TRIM2: variants seen among roughly 807,000 people sequenced by gnomAD.
TRIM2 encodes tripartite motif-containing protein 2.
A neutral mutation model predicts 75.2 loss-of-function variants in TRIM2; 20 were observed. The observed-to-expected ratio is 0.27, with a 90% confidence interval of 0.19 to 0.39. TRIM2 has a LOEUF of 0.39. TRIM2 is among the 10% of genes least tolerant of loss of function. TRIM2 has a pLI of 1.00. For missense variants in TRIM2, 660 were observed against 990.8 expected (o/e 0.67, Z 4.48); for synonymous variants, 373 against 388.3 (o/e 0.96, Z 0.46).
At chr4:153,172,260 T>C (rs1730958469) in intron 1 of TRIM2, among the ~76,000 whole-genome samples, 1 of 152,160 alleles carries the variant, frequency 6.6e-6, no homozygotes, top group Admixed American at 6.5e-5. Flanking sequence ...CTATCTTGGC[T>C]CACTGCAAGC....
At chr4:153,277,479 G>A (rs544838325) in intron 3 of TRIM2, among the ~76,000 whole-genome samples, 1 of 152,260 alleles carries the variant, frequency 6.6e-6, no homozygotes, top group South Asian at 2.1e-4. Flanking sequence ...CTCTGGGAGG[G>A]CAAGGACCTG....
At chr4:153,290,305 T>C (rs1235655992) in intron 3 of TRIM2, among the ~76,000 whole-genome samples, 1 of 152,214 alleles carries the variant, frequency 6.6e-6, no homozygotes, top group Non-Finnish European at 1.5e-5. Context: ...GCTTATATAT[T>C]GTTACCAAGC....
At chr4:153,326,301 GGTAGAA>G (rs1485658769) in intron 10 of TRIM2, among the ~76,000 whole-genome samples, 6 of 152,154 alleles carry the variant, frequency 3.9e-5, no homozygotes, top group Non-Finnish European at 8.8e-5. Context: ...TTTTCAGCAT[GGTAGAA>G]GTAGATTATT....
rs375371424 is a variant in TRIM2 at position 153,274,158 on chromosome 4, G to A, written c.216-1735G>A. Among the ~76,000 whole-genome samples the A allele has an allele frequency of 2.6e-4, 39 of 152,320 alleles. No homozygotes were observed. The East Asian group carries it at 4.2e-3, about 17-fold the overall frequency. On this transcript the variant is annotated intron_variant, in intron 2 of 11. Coordinates refer to ENST00000338700, the MANE Select transcript of TRIM2 (RefSeq NM_015271.5). ...CCATGGCATGGCTTTCATCTCAGAT[G>A]GTGTGGGAGGGAGATTTAAATGGCT... is the stretch of plus-strand genomic sequence containing the variant.
At chr4:153,261,102 G>T (rs1383847456) in intron 1 of TRIM2, among the ~76,000 whole-genome samples, 1 of 152,162 alleles carries the variant, frequency 6.6e-6, no homozygotes, top group African/African-American at 2.4e-5. Flanking sequence ...GAAAGCAGAT[G>T]TTTGCATGTC....
intron 2 of TRIM2, among the ~76,000 whole-genome samples, chr4:153,275,675 G>T (rs1266819757): frequency 6.6e-6 from 1 of 152,218 alleles, no homozygotes; most frequent in Non-Finnish European, 1.5e-5. Context: ...CACTACAAAA[G>T]TCAATGACAT....
At chr4:153,246,941 C>T (rs180941012) in intron 1 of TRIM2, among the ~76,000 whole-genome samples, 56 of 152,272 alleles carry the variant, frequency 3.7e-4, no homozygotes, top group Admixed American at 2.9e-3. Flanking sequence ...CCTTGAGAGG[C>T]GCATCAATGT....
intron 1 of TRIM2, among the ~76,000 whole-genome samples, chr4:153,154,713 C>G (rs973382424): frequency 6.6e-6 from 1 of 152,142 alleles, no homozygotes; most frequent in African/African-American, 2.4e-5. Flanking sequence ...ATACACTAAC[C>G]AATTGCTTGT....
upstream of TRIM2, among the ~76,000 whole-genome samples, chr4:153,201,933 A>G (rs1734417098): frequency 6.6e-6 from 1 of 152,236 alleles, no homozygotes; most frequent in Admixed American, 6.5e-5. Flanking sequence ...AGATTATTTC[A>G]GGAAGGTAAC....
rs543805049 is a variant in TRIM2 at position 153,193,864 on chromosome 4, G to A, written c.-49+40594G>A. ...AGGAGGCAGTGAATCAAATCCAAGT[G>A]TGGGAGAGACGAACTGGGAGACTCA... On this transcript the variant is annotated intron_variant, in intron 1 of 11. Coordinates refer to the TRIM2 transcript ENST00000437508. Among the ~76,000 whole-genome samples the A allele has an allele frequency of 5.5e-4, 84 of 152,310 alleles. No individual in the cohort carries two copies. The South Asian group carries it at 0.016, about 29-fold the overall frequency.
intron 1 of TRIM2, among the ~76,000 whole-genome samples, chr4:153,221,856 AAG>A (rs774815812): frequency 5.9e-5 from 7 of 118,344 alleles, no homozygotes; most frequent in Non-Finnish European, 9.0e-5. Flanking sequence ...GCGAGGAAAG[AAG>A]AGAGAGAGGA....
intron 1 of TRIM2, 127 bp from the exon 2 acceptor site, chr4:153,270,208 A>G (rs1756336775): frequency 9.0e-7 from 1 of 1,106,322 alleles, no homozygotes; most frequent in Non-Finnish European, 1.3e-6. Context: ...GATTACAGGC[A>G]TGAGCCACCA....
At chr4:153,301,022 C>G (rs923587690) in intron 6 of TRIM2, among the ~76,000 whole-genome samples, 2 of 151,972 alleles carry the variant, frequency 1.3e-5, no homozygotes, top group East Asian at 3.9e-4. Flanking sequence ...GAAACCTCAT[C>G]TCTACTGAAA....
At chr4:153,266,502 C>T (rs1046805435) in intron 1 of TRIM2, among the ~76,000 whole-genome samples, 1 of 151,980 alleles carries the variant, frequency 6.6e-6, no homozygotes, top group African/African-American at 2.4e-5. Context: ...ACCACCACGC[C>T]CAGCTAATTT....
chr4:153,282,933 C>T (rs924796804), intron 3 of TRIM2, among the ~76,000 whole-genome samples: 3 of 148,876 alleles, frequency 2.0e-5, no homozygotes, highest in Non-Finnish European at 3.0e-5. Context: ...GGACTATAGG[C>T]GCATGCCACC....
At chr4:153,221,450 A>T (rs1432836548) in intron 1 of TRIM2, among the ~76,000 whole-genome samples, 4 of 151,922 alleles carry the variant, frequency 2.6e-5, no homozygotes, top group Non-Finnish European at 5.9e-5. Context: ...CAAAAAAACC[A>T]AACAAATGCA....
chr4:153,177,701 GGCTC>G (rs369958249), intron 1 of TRIM2, among the ~76,000 whole-genome samples: 8 of 95,976 alleles, frequency 8.3e-5, no homozygotes, highest in African/African-American at 3.1e-4. Flanking sequence ...AATGGATGGT[GGCTC>G]GCTCCTTCCT....
At chr4:153,154,823 T>C (rs943851571) in intron 1 of TRIM2, among the ~76,000 whole-genome samples, 1 of 152,178 alleles carries the variant, frequency 6.6e-6, no homozygotes, top group Admixed American at 6.5e-5. Flanking sequence ...TCAAAAATAA[T>C]GCTTGACATT....
Position 153,322,694 on chromosome 4 carries a change from T to C in TRIM2, c.1829T>C (p.Val610Ala). The C allele has an allele frequency of 6.2e-7, 1 of 1,614,170 alleles. No individual in the cohort carries two copies. The highest frequency in any genetic ancestry group is 1.1e-5 in the South Asian group (1 of 91,072). ...GKLMGPKGVS[V>A]DRNGHIIVVD... ...CTGATGGGACCCAAAGGAGTTTCTGTGGACCGCAATGGGCACATTATTGTT... is the reference window on the plus strand; with the variant it reads ...CTGATGGGACCCAAAGGAGTTTCTGCGGACCGCAATGGGCACATTATTGTT... Residue 610 changes from valine to alanine, a missense_variant, in exon 9 of 12, where the codon GTG (valine) becomes GCG (alanine). Val to Ala is a moderately conservative substitution (Grantham distance 64). Around this residue, in one of 2 missense-constraint regions of TRIM2, gnomAD observed 620 missense variants for 891.0 expected, o/e 0.70. Coordinates refer to ENST00000338700, the MANE Select transcript of TRIM2 (RefSeq NM_015271.5).
Sources: allele counts gnomAD v4.1 joint callset (sites outside exome capture counted in the v4.1 genomes callset), GRCh38; gene constraint gnomAD v4.1.1; regional missense constraint gnomAD v4.1.1; transcripts MANE v1.5; gene names NCBI Gene and HGNC (gene_info 2026-07-23, HGNC 2026-07-21).